The following NHEJ1 variants were observed in gnomAD, a reference collection of about 807,000 sequenced individuals.
NHEJ1 encodes the protein non-homologous end joining factor 1.
A neutral mutation model predicts 39.4 loss-of-function variants in NHEJ1; 22 were observed. That is an observed-to-expected ratio of 0.56 (90% CI 0.40 to 0.80). The LOEUF (loss-of-function observed/expected upper bound fraction) is 0.80, where lower values mean the gene tolerates loss of function less well. NHEJ1 is among the 30% of genes least tolerant of loss of function. The pLI, the probability that NHEJ1 is intolerant of heterozygous loss-of-function variation, is 0.00. For missense variants in NHEJ1, 329 were observed against 357.1 expected, an observed-to-expected ratio of 0.92 and a Z score of 0.63; for synonymous variants, 154 against 135.6, an observed-to-expected ratio of 1.14 and a Z score of -0.94.
At chr2:219,149,502 G>C (rs1949774919) in intron 3 of NHEJ1, among the ~76,000 whole-genome samples, 1 of 152,112 alleles carries the variant, frequency 6.6e-6, no homozygotes, top group African/African-American at 2.4e-5. Flanking sequence ...TGTAATCCCA[G>C]CTACTCGGGA....
rs373610993 is a variant in NHEJ1, at chr2:219,159,564, C to CATAT, written c.-1+1152_-1+1155dup. On this transcript the variant is annotated intron_variant, in intron 1 of 7. Transcript: ENST00000356853. ...ATATATATATATGCATATATATATGCATATATATATGCATATATATATGCA... is the reference window on the plus strand; with the variant it reads ...ATATATATATATGCATATATATATGCATATATATATATATGCATATATATATGCA... Among the ~76,000 whole-genome samples the CATAT allele has an allele frequency of 7.2e-3, 446 of 61,748 alleles. 23 individuals are homozygous for CATAT. The highest frequency in any genetic ancestry group is 0.031 in the East Asian group (50 of 1,604). 40.5% of individuals were successfully genotyped at this position (61,748 alleles called of 152,430 possible). A position where few individuals can be genotyped will look rare whatever the true frequency, so the allele number is the denominator to read the frequency against.
intron 5 of NHEJ1, among the ~76,000 whole-genome samples, chr2:219,081,312 C>T (rs1032943328): frequency 6.6e-6 from 1 of 152,108 alleles, no homozygotes; most frequent in Non-Finnish European, 1.5e-5. Flanking sequence ...CTACCTGGGG[C>T]AGGCGGCAGA....
chr2:219,134,228 C>T (rs1010520722), intron 5 of NHEJ1, among the ~76,000 whole-genome samples: 1 of 152,204 alleles, frequency 6.6e-6, no homozygotes, highest in South Asian at 2.1e-4. Context: ...TGTGGCCACC[C>T]TTGGTGACGG....
rs1298942265 is a variant in NHEJ1, at chr2:219,076,270, C to A, written c.*111G>T. 3.8e-6 allele frequency: 6 copies of A among 1,592,902 alleles called. No individual in the cohort carries two copies. The highest frequency in any genetic ancestry group is 5.1e-6 in the Non-Finnish European group (6 of 1,169,350). On this transcript the variant is annotated 3_prime_UTR_variant, in exon 8 of 8. Transcript: ENST00000356853. ...TCAGTTCTCTCGCCCTTACAGGAGG[C>A]CTCTGACTGTATCACTATTTTAGAA... is the stretch of plus-strand genomic sequence containing the variant.
At chr2:219,141,445 G>A (rs1195702398) in intron 5 of NHEJ1, among the ~76,000 whole-genome samples, 1 of 151,780 alleles carries the variant, frequency 6.6e-6, no homozygotes, top group Non-Finnish European at 1.5e-5. Flanking sequence ...CAGACAACGG[G>A]AGGTAGAATA....
At chr2:219,097,331 G>A (rs1342537182) in intron 5 of NHEJ1, among the ~76,000 whole-genome samples, 2 of 152,150 alleles carry the variant, frequency 1.3e-5, no homozygotes, top group Non-Finnish European at 2.9e-5. Context: ...AATGATGGTG[G>A]CTCAGACCAA....
At chr2:219,103,767 G>A (rs1013507744) in intron 5 of NHEJ1, among the ~76,000 whole-genome samples, 1 of 152,116 alleles carries the variant, frequency 6.6e-6, no homozygotes, top group Non-Finnish European at 1.5e-5. Context: ...ATAAACTGGA[G>A]CCAGGTAGGT....
intron 5 of NHEJ1, among the ~76,000 whole-genome samples, chr2:219,117,923 T>C (rs538454440): frequency 6.6e-6 from 1 of 152,244 alleles, no homozygotes; most frequent in South Asian, 2.1e-4. Context: ...TTTGGGATGT[T>C]AGACATCCTA....
At chr2:219,137,281 C>T (rs576985084) in intron 5 of NHEJ1, among the ~76,000 whole-genome samples, 4 of 152,040 alleles carry the variant, frequency 2.6e-5, no homozygotes, top group South Asian at 2.1e-4. Context: ...TATATGCCCA[C>T]GGTTAAACCG....
chr2:219,127,439 A>G (rs1041643769), intron 5 of NHEJ1, among the ~76,000 whole-genome samples: 2 of 152,156 alleles, frequency 1.3e-5, no homozygotes, highest in Non-Finnish European at 2.9e-5. Flanking sequence ...TGTCCTATTG[A>G]CCTGGGATAT....
At position 219,078,457 on chromosome 2, in the gene NHEJ1, T is replaced by TCA. The variant is rs1224213632; in HGVS notation, c.589-252_589-251insTG. ...TAGGTCTATTATGTTTTCCCATGAA[T>TCA]ACCCTATAGATTTCTAGGCTCTTTT... On this transcript the variant is annotated intron_variant, in intron 5 of 7. Coordinates refer to ENST00000356853, the MANE Select transcript of NHEJ1 (RefSeq NM_024782.3). 4.6e-5 allele frequency among the ~76,000 whole-genome samples: 7 copies of TCA among 152,262 alleles called. No homozygotes were observed. The East Asian group carries it at 1.3e-3, about 29-fold the overall frequency.
chr2:219,134,434 T>C (rs1401929142), intron 5 of NHEJ1, among the ~76,000 whole-genome samples: 1 of 152,242 alleles, frequency 6.6e-6, no homozygotes, highest in Non-Finnish European at 1.5e-5. Flanking sequence ...ATGGACTTTA[T>C]ATTTGTTAGT....
chr2:219,086,598 T>C (rs1165896505), intron 5 of NHEJ1, among the ~76,000 whole-genome samples: 1 of 151,964 alleles, frequency 6.6e-6, no homozygotes, highest in Non-Finnish European at 1.5e-5. Flanking sequence ...TAGTGGAAAA[T>C]AGGAAAAATG....
chr2:219,084,197 G>A (rs959176864), intron 5 of NHEJ1, among the ~76,000 whole-genome samples: 1 of 151,894 alleles, frequency 6.6e-6, no homozygotes, highest in South Asian at 2.1e-4. Context: ...AGTAGAGATG[G>A]GGCTGCACCA....
At chr2:219,123,119 C>T (rs115977817) in intron 5 of NHEJ1, among the ~76,000 whole-genome samples, 1 of 152,128 alleles carries the variant, frequency 6.6e-6, no homozygotes, top group East Asian at 1.9e-4. Context: ...CAGAAAAACA[C>T]TGGTAGGGAT....
In NHEJ1 at chr2:219,078,176, C is replaced by T. The variant is rs1186946797; in HGVS notation, c.619G>A (p.Gly207Arg). 1 of 1,613,998 alleles carries T rather than the reference C, an allele frequency of 6.2e-7. No individual in the cohort carries two copies. The highest frequency in any genetic ancestry group is 1.3e-5 in the African/African-American group (1 of 74,914). ...TGCAGATTCATGACAAAGGGCTTTCCATCACCAATGCTGCATGCCTCTGGC... is the reference window on the plus strand; with the variant it reads ...TGCAGATTCATGACAAAGGGCTTTCTATCACCAATGCTGCATGCCTCTGGC... ...KLPEACSIGDGKPFVMNLQDL... is the reference protein window; with the variant it reads ...KLPEACSIGDRKPFVMNLQDL... The change falls in exon 6 of 8, where the codon GGA (glycine) becomes AGA (arginine). Residue 207 changes from glycine to arginine, a missense_variant. By Grantham distance (125) the Gly-to-Arg change is moderately radical. Coordinates refer to ENST00000356853, the MANE Select transcript of NHEJ1 (RefSeq NM_024782.3).
At chr2:219,137,595 A>AAAAAAAAAAAAAAATAAAAAAAAAAC (rs143557047) in intron 5 of NHEJ1, among the ~76,000 whole-genome samples, 1 of 82,668 alleles carries the variant, frequency 1.2e-5, no homozygotes, top group Non-Finnish European at 3.0e-5. Context: ...AAAAAAAACA[A>AAAAAAAAAAAAAAATAAAAAAAAAAC]AAAAAACTGA....
intron 5 of NHEJ1, chr2:219,095,345 A>G (rs763344612): frequency 1.1e-5 from 5 of 471,106 alleles, no homozygotes; most frequent in Middle Eastern, 3.2e-4. Context: ...TTTGATGGGT[A>G]TATCTTTTAA....
chr2:219,133,857 G>T (rs1949600577), intron 5 of NHEJ1, among the ~76,000 whole-genome samples: 1 of 152,120 alleles, frequency 6.6e-6, no homozygotes, highest in South Asian at 2.1e-4. Flanking sequence ...CCCACAGAAA[G>T]AACTAATCCT....
Sources: allele counts gnomAD v4.1 joint callset (sites outside exome capture counted in the v4.1 genomes callset), GRCh38; gene constraint gnomAD v4.1.1; transcripts MANE v1.5; gene names NCBI Gene and HGNC (gene_info 2026-07-23, HGNC 2026-07-21).